Variants in XXYLT1 observed in about 807,000 individuals in gnomAD.
XXYLT1 encodes xyloside xylosyltransferase 1, also known as UDP-xylose:alpha-xyloside alpha-1,3-xylosyltransferase.
XXYLT1 carries 20 observed loss-of-function variants against 28.9 expected under a neutral mutation model. The ratio of observed to expected loss-of-function variants is 0.69; its 90% confidence interval spans 0.49 to 1.00. The LOEUF (loss-of-function observed/expected upper bound fraction) is 1.00, where lower values mean the gene tolerates loss of function less well. Ranked by LOEUF, XXYLT1 falls within the 50% of genes least tolerant of loss-of-function variation. XXYLT1 has a pLI of 0.00. For missense variants in XXYLT1, 542 were observed against 560.1 expected (o/e 0.97, Z 0.33); for synonymous variants, 257 against 253.8 (o/e 1.01, Z -0.12).
chr3:195,110,934 G>A (rs964791576), intron 3 of XXYLT1, among the ~76,000 whole-genome samples: 4 of 146,446 alleles, frequency 2.7e-5, no homozygotes, highest in African/African-American at 1.0e-4. Context: ...GTGTGTGTGA[G>A]GTATGTGTAT....
intron 2 of XXYLT1, 109 bp from the exon 3 acceptor site, chr3:195,156,690 G>T: frequency 7.2e-7 from 1 of 1,397,650 alleles, no homozygotes; most frequent in Non-Finnish European, 9.7e-7. Flanking sequence ...GACTCTTACT[G>T]TTGTCAGTGA....
intron 3 of XXYLT1, among the ~76,000 whole-genome samples, chr3:195,097,955 G>C (rs747337962): frequency 1.3e-5 from 2 of 152,068 alleles, no homozygotes; most frequent in Non-Finnish European, 2.9e-5. Context: ...TGGTGAATAA[G>C]GAAGGACCCA....
At chr3:195,192,889 A>G (rs1722482605) in intron 2 of XXYLT1, among the ~76,000 whole-genome samples, 1 of 152,204 alleles carries the variant, frequency 6.6e-6, no homozygotes, top group African/African-American at 2.4e-5. Context: ...TAAAAATCTC[A>G]AGGAATCCAC....
intron 3 of XXYLT1, among the ~76,000 whole-genome samples, chr3:195,143,815 G>GATATATATATCTATATATATAGATATAT (rs1162726602): frequency 1.0e-4 from 8 of 77,378 alleles, no homozygotes; most frequent in African/African-American, 3.8e-4. Context: ...GATATATATA[G>GATATATATATCTATATATATAGATATAT]ATATAGATAT....
chr3:195,197,874 A>G (rs2108760137), intron 2 of XXYLT1, among the ~76,000 whole-genome samples: 1 of 152,328 alleles, frequency 6.6e-6, no homozygotes, highest in African/African-American at 2.4e-5. Context: ...CAGCTTATGG[A>G]AAAGCGAACC....
intron 2 of XXYLT1, among the ~76,000 whole-genome samples, chr3:195,199,712 C>A (rs1048018510): frequency 6.6e-6 from 1 of 152,188 alleles, no homozygotes; most frequent in African/African-American, 2.4e-5. Flanking sequence ...ATTCCAGGTA[C>A]TCCCAAAGAT....
intron 3 of XXYLT1, among the ~76,000 whole-genome samples, chr3:195,102,125 T>C (rs1716823928): frequency 6.6e-6 from 1 of 151,812 alleles, no homozygotes; most frequent in African/African-American, 2.4e-5. Context: ...GTCTGGTATA[T>C]CTGAGTCTAT....
chr3:195,246,114 C>T (rs538405417), intron 1 of XXYLT1, among the ~76,000 whole-genome samples: 1 of 152,370 alleles, frequency 6.6e-6, no homozygotes, highest in Non-Finnish European at 1.5e-5. Flanking sequence ...CTGGTGTTTA[C>T]ACCAGGTTTT....
chr3:195,228,287 G>A (rs1425465381), intron 1 of XXYLT1, among the ~76,000 whole-genome samples: 1 of 140,506 alleles, frequency 7.1e-6, no homozygotes, highest in Non-Finnish European at 1.5e-5. Flanking sequence ...CTGCCAGACA[G>A]TGGCAAGTGG....
At position 195,115,510 on chromosome 3, in the gene XXYLT1, C is replaced by T. The variant is rs988621925; in HGVS notation, c.785+40939G>A. ...TCCAACAAGAAACTCCTTCTGCTTA[C>T]ACCACCTGGAGTGGTTTCTGCTTCC... On this transcript the variant is annotated intron_variant, in intron 3 of 3. Coordinates refer to ENST00000310380, the MANE Select transcript of XXYLT1 (RefSeq NM_152531.5). This position sits in a 1 kb window ranked among gnomAD's most constrained non-coding sequence, Gnocchi z 4.2. Among the ~76,000 whole-genome samples, 2 of 152,224 alleles carry T rather than the reference C, an allele frequency of 1.3e-5. No individual in the cohort carries two copies. Among genetic ancestry groups the T allele is most frequent in the South Asian group, 4.1e-4 (2 of 4,832 alleles).
At chr3:195,233,718 A>G (rs563035077) in intron 1 of XXYLT1, among the ~76,000 whole-genome samples, 1 of 152,348 alleles carries the variant, frequency 6.6e-6, no homozygotes, top group African/African-American at 2.4e-5. Context: ...ACTGTCTTGA[A>G]AAGTTATTAT....
At position 195,149,524 on chromosome 3, in the gene XXYLT1, G is replaced by A. The variant is rs7639690; in HGVS notation, c.785+6925C>T. Reference sequence around the variant, plus strand: ...AGCAGGGACCAAACACCCCACGCACGGGGGAAAGTGGAAGCCAGGCTCAGT... The same window carrying A: ...AGCAGGGACCAAACACCCCACGCACAGGGGAAAGTGGAAGCCAGGCTCAGT... On this transcript the variant is annotated intron_variant, in intron 3 of 3. Coordinates refer to ENST00000310380, the MANE Select transcript of XXYLT1 (RefSeq NM_152531.5). Among the ~76,000 whole-genome samples, 1,353 of 152,270 alleles carry A rather than the reference G, an allele frequency of 8.9e-3. 14 individuals are homozygous for A. The highest frequency in any genetic ancestry group is 0.031 in the African/African-American group (1,284 of 41,538).
intron 3 of XXYLT1, chr3:195,094,781 C>T (rs1170631594): frequency 6.5e-6 from 1 of 153,802 alleles, no homozygotes; most frequent in Non-Finnish European, 1.5e-5. Context: ...CCCCTCTCCA[C>T]ACAGCCTGCG....
Position 195,246,168 on chromosome 3 carries a change from C to T in XXYLT1, c.505-19312G>A, listed in dbSNP as rs542559884. On this transcript the variant is annotated intron_variant, in intron 1 of 3. Transcript: ENST00000310380. ...GGAGGATAAATGGCTAAAATAAACC[C>T]CTTCTCTCTTTCAAAATCTCAATTT... Among the ~76,000 whole-genome samples the T allele has an allele frequency of 1.1e-4, 17 of 152,238 alleles. No individual in the cohort carries two copies. In the South Asian group the frequency reaches 3.1e-3, roughly 28 times the overall value.
At chr3:195,130,557 A>G (rs550966072) in intron 3 of XXYLT1, among the ~76,000 whole-genome samples, 1 of 152,340 alleles carries the variant, frequency 6.6e-6, no homozygotes, top group South Asian at 2.1e-4. Context: ...TGAAGTGTAG[A>G]TCAGGGAAAG....
At chr3:195,071,591 G>A (rs1454391875) in intron 3 of XXYLT1, among the ~76,000 whole-genome samples, 1 of 152,164 alleles carries the variant, frequency 6.6e-6, no homozygotes, top group African/African-American at 2.4e-5. Flanking sequence ...GTGCCTGCCT[G>A]GTGGTAACAG....
intron 1 of XXYLT1, among the ~76,000 whole-genome samples, chr3:195,265,761 C>T (rs1725830615): frequency 6.6e-6 from 1 of 152,206 alleles, no homozygotes. Context: ...GTGATGGCCC[C>T]AGCCCCGGCA....
chr3:195,217,956 CA>C (rs1484876553), intron 2 of XXYLT1, among the ~76,000 whole-genome samples: 3 of 149,324 alleles, frequency 2.0e-5, no homozygotes, highest in African/African-American at 7.6e-5. Flanking sequence ...GTACTGGTAC[CA>C]AAACAGAGAT....
intron 2 of XXYLT1, among the ~76,000 whole-genome samples, chr3:195,206,992 G>A (rs745834533): frequency 7.3e-5 from 11 of 150,684 alleles, no homozygotes; most frequent in African/African-American, 1.2e-4. Context: ...AAAAGGTGGA[G>A]GGGGAAAAAA....
Sources: allele counts gnomAD v4.1 joint callset (sites outside exome capture counted in the v4.1 genomes callset), GRCh38; gene constraint gnomAD v4.1.1; non-coding constraint Gnocchi (gnomAD v3.1); transcripts MANE v1.5; gene names NCBI Gene and HGNC (gene_info 2026-07-23, HGNC 2026-07-21).